The following MAP3K7CL variants were observed in gnomAD, a reference collection of about 807,000 sequenced individuals.
MAP3K7CL encodes MAP3K7 C-terminal-like protein.
In MAP3K7CL, 16 loss-of-function variants were observed where a neutral mutation model predicts 18.6. That is an observed-to-expected ratio of 0.86 (90% confidence interval 0.58 to 1.31). The LOEUF (loss-of-function observed/expected upper bound fraction) is 1.31, where lower values mean the gene tolerates loss of function less well. Ranked by LOEUF, MAP3K7CL falls within the 50% of genes most tolerant of loss-of-function variation. MAP3K7CL has a pLI of 0.00. For missense variants in MAP3K7CL, 163 were observed against 174.4 expected, an observed-to-expected ratio of 0.93 and a Z score of 0.37; for synonymous variants, 65 against 66.8, an observed-to-expected ratio of 0.97 and a Z score of 0.13.
intron 3 of MAP3K7CL, among the ~76,000 whole-genome samples, chr21:29,153,262 CT>C (rs1227978030): frequency 9.9e-5 from 15 of 152,158 alleles, no homozygotes; most frequent in African/African-American, 3.6e-4. Flanking sequence ...GGCCTTGGGC[CT>C]CTGTCCAGGA....
intron 1 of MAP3K7CL, among the ~76,000 whole-genome samples, chr21:29,132,003 CT>C (rs2086789532): frequency 6.6e-6 from 1 of 152,154 alleles, no homozygotes; most frequent in Admixed American, 6.5e-5. Context: ...ATTATTTATA[CT>C]TTGCCATTTT....
rs757266359 is a variant in MAP3K7CL at position 29,139,757 on chromosome 21, G to C, written c.70+6343G>C. ...GCGCCACCAAGCCCAGCTAATTTTT[G>C]TATTTTTAGTAGAGATGGGGTTTCC... is the stretch of plus-strand genomic sequence containing the variant. On this transcript the variant is annotated intron_variant, in intron 2 of 4. Transcript: ENST00000399928. Among the ~76,000 whole-genome samples the C allele has an allele frequency of 3.2e-4, 49 of 151,978 alleles. 1 individual carries two copies. The highest frequency in any genetic ancestry group is 1.7e-3 in the Admixed American group (26 of 15,258).
At chr21:29,170,618 C>A (rs2087801656) in intron 4 of MAP3K7CL, among the ~76,000 whole-genome samples, 1 of 127,972 alleles carries the variant, frequency 7.8e-6, no homozygotes, top group Non-Finnish European at 1.9e-5. Context: ...GGATTTAAAG[C>A]ATGTCTCTCT....
At chr21:29,105,019 T>C (rs1317265683) in intron 4 of MAP3K7CL, among the ~76,000 whole-genome samples, 2 of 152,174 alleles carry the variant, frequency 1.3e-5, no homozygotes, top group African/African-American at 4.8e-5. Context: ...GGTAAGACTT[T>C]CCCACATGTT....
chr21:29,120,670 TTTTCTTTCTTTCTTTCTTTCTG>T (rs2086577337), intron 4 of MAP3K7CL, among the ~76,000 whole-genome samples: 1 of 150,516 alleles, frequency 6.6e-6, no homozygotes. Flanking sequence ...CTTTCTTTCT[TTTTCTTTCTTTCTTTCTTTCTG>T]TTTCTTTCTT....
intron 4 of MAP3K7CL, among the ~76,000 whole-genome samples, chr21:29,119,188 A>G (rs1183098805): frequency 6.6e-6 from 1 of 152,228 alleles, no homozygotes; most frequent in Non-Finnish European, 1.5e-5. Flanking sequence ...CAGTACTGAC[A>G]ATATTAGGCT....
rs780402725 is a variant in MAP3K7CL, at chr21:29,149,238, C to A, written c.120C>A (p.Asp40Glu). The change falls in exon 3 of 5, where the codon GAC (aspartate) becomes GAA (glutamate). Residue 40 changes from aspartate (D) to glutamate (E), a missense_variant. Physicochemically the swap from Asp to Glu is conservative, Grantham distance 45. Coordinates refer to ENST00000399928, the MANE Select transcript of MAP3K7CL (RefSeq NM_001286620.2). ...TTCCTTTGGTCTTTCCAGAATTAGACCAGCAGCTACAGGTAAGGATTTTTC... is the reference window on the plus strand; with the variant it reads ...TTCCTTTGGTCTTTCCAGAATTAGAACAGCAGCTACAGGTAAGGATTTTTC... ...DSIPLVFPELDQQLQPLPPCH... is the reference protein window; with the variant it reads ...DSIPLVFPELEQQLQPLPPCH... The A allele has an allele frequency of 2.2e-5, 35 of 1,613,600 alleles. 1 individual carries two copies. The South Asian group carries it at 3.4e-4, about 16-fold the overall frequency.
At chr21:29,129,652 T>G (rs1038893826), upstream of MAP3K7CL, among the ~76,000 whole-genome samples, 14 of 152,230 alleles carry the variant, frequency 9.2e-5, no homozygotes, top group African/African-American at 3.4e-4. Context: ...TGCAGGCTTT[T>G]GGGGAAATAA....
At chr21:29,150,486 C>T (rs935338129) in intron 3 of MAP3K7CL, among the ~76,000 whole-genome samples, 14 of 152,174 alleles carry the variant, frequency 9.2e-5, no homozygotes, top group Non-Finnish European at 1.5e-4. Context: ...AGCTGCTCAA[C>T]AGAGCATTAT....
intron 4 of MAP3K7CL, among the ~76,000 whole-genome samples, chr21:29,124,186 C>A (rs547489684): frequency 9.2e-5 from 14 of 151,620 alleles, no homozygotes; most frequent in Non-Finnish European, 1.9e-4. Flanking sequence ...AACCCCATCT[C>A]TACTAAAAAA....
At chr21:29,135,858 A>G (rs145993772) in intron 2 of MAP3K7CL, among the ~76,000 whole-genome samples, 1 of 152,160 alleles carries the variant, frequency 6.6e-6, no homozygotes, top group Non-Finnish European at 1.5e-5. Flanking sequence ...AGCCCCACCA[A>G]AAGATGCTTA....
In MAP3K7CL at chr21:29,141,500, G is replaced by A. The variant is rs12626630; in HGVS notation, c.71-7689G>A. Among the ~76,000 whole-genome samples the A allele has an allele frequency of 3.9e-3, 581 of 147,906 alleles. 9 individuals carry two copies. In the East Asian group the frequency reaches 0.067, roughly 17 times the overall value. ...TGCACTCCAGCCTGGGTGACACAGC[G>A]AGACTCCATCTCAAAAAGAAAAAAA... On this transcript the variant is annotated intron_variant, in intron 2 of 4. Transcript: ENST00000399928.
intron 1 of MAP3K7CL, among the ~76,000 whole-genome samples, chr21:29,132,987 A>G (rs145099885): frequency 1.3e-5 from 2 of 152,338 alleles, no homozygotes; most frequent in East Asian, 1.9e-4. Context: ...AATACTTTAT[A>G]TGACCTTAAA....
Position 29,121,059 on chromosome 21 carries a change from T to TCAAAAAAAG in MAP3K7CL, c.371-28130_371-28129insCAAAAAAAG, listed in dbSNP as rs1202365957. ...TCAGCCTGGGCAACAGAGTCAGATATATATATATAGTGTATATATGAGAAA... is the reference window on the plus strand; with the variant it reads ...TCAGCCTGGGCAACAGAGTCAGATATCAAAAAAAGATATATATAGTGTATATATGAGAAA... On this transcript the variant is annotated intron_variant, in intron 4 of 6. Coordinates refer to the MAP3K7CL transcript ENST00000286791. Among the ~76,000 whole-genome samples the TCAAAAAAAG allele has an allele frequency of 7.4e-4, 29 of 39,408 alleles. 4 individuals carry two copies. Among genetic ancestry groups the TCAAAAAAAG allele is most frequent in the African/African-American group, 9.7e-4 (10 of 10,338 alleles). The allele number at this position is 39,408 out of a possible 152,430, so 25.9% of individuals were successfully genotyped here. A position where few individuals can be genotyped will look rare whatever the true frequency, so the allele number is the denominator to read the frequency against.
At chr21:29,099,474 T>C (rs1207361539) in intron 4 of MAP3K7CL, among the ~76,000 whole-genome samples, 1 of 152,072 alleles carries the variant, frequency 6.6e-6, no homozygotes, top group Non-Finnish European at 1.5e-5. Flanking sequence ...AAAAAGCCAG[T>C]ATAATAACAA....
upstream of MAP3K7CL, chr21:29,085,792 A>G: frequency 2.0e-6 from 3 of 1,515,660 alleles, no homozygotes; most frequent in Non-Finnish European, 2.8e-6. Flanking sequence ...ATGCAGAATC[A>G]TAACTCTCTA....
chr21:29,149,542 C>T (rs1312234189), intron 3 of MAP3K7CL, among the ~76,000 whole-genome samples: 1 of 152,132 alleles, frequency 6.6e-6, no homozygotes, highest in Non-Finnish European at 1.5e-5. Flanking sequence ...TTCTCTACTT[C>T]GATATGGCTG....
intron 4 of MAP3K7CL, among the ~76,000 whole-genome samples, chr21:29,171,334 A>G (rs1346923065): frequency 6.6e-6 from 1 of 152,220 alleles, no homozygotes; most frequent in Non-Finnish European, 1.5e-5. Context: ...GATGTACCTT[A>G]TCTTCCAGTT....
At chr21:29,115,234 TC>T (rs1192566923) in intron 4 of MAP3K7CL, among the ~76,000 whole-genome samples, 1 of 152,220 alleles carries the variant, frequency 6.6e-6, no homozygotes, top group East Asian at 1.9e-4. Context: ...CCAAAAGGTA[TC>T]CTGTTTAGCT....
Sources: allele counts gnomAD v4.1 joint callset (sites outside exome capture counted in the v4.1 genomes callset), GRCh38; gene constraint gnomAD v4.1.1; transcripts MANE v1.5; gene names NCBI Gene and HGNC (gene_info 2026-07-23, HGNC 2026-07-21).